The following ZNF620 variants were observed in gnomAD, a reference collection of about 807,000 sequenced individuals.
ZNF620 encodes the protein zinc finger protein 620.
ZNF620 carries 10 observed loss-of-function variants against 13.3 expected under a neutral mutation model. That is an observed-to-expected ratio of 0.75 (90% confidence interval 0.46 to 1.28). ZNF620 has a LOEUF of 1.28. ZNF620 is among the 50% of genes most tolerant of loss of function. The probability of loss-of-function intolerance (pLI) is 0.00; values close to 1 mark genes in which losing one functional copy is unlikely to be tolerated. For missense variants in ZNF620, 461 were observed against 500.2 expected, an observed-to-expected ratio of 0.92 and a Z score of 0.75; for synonymous variants, 166 against 177.6, an observed-to-expected ratio of 0.93 and a Z score of 0.52.
In ZNF620 at chr3:40,516,540, A is replaced by G. The variant is rs751070955; in HGVS notation, c.946A>G (p.Thr316Ala). 1.5e-5 allele frequency: 24 copies of G among 1,613,914 alleles called. No individual in the cohort carries two copies. Among genetic ancestry groups the G allele is most frequent in the Non-Finnish European group, 2.0e-5 (24 of 1,179,972 alleles). ...KLYECNECWK[T>A]FSCSSSFTVH... ...CTATGAATGTAACGAATGTTGGAAA[A>G]CTTTCAGTTGCAGCTCAAGTTTCAC... The change falls in exon 5 of 5, where the codon ACT (threonine) becomes GCT (alanine). Residue 316 changes from threonine to alanine, a missense_variant. Thr to Ala is a moderately conservative substitution (Grantham distance 58). Transcript: ENST00000314529.
intron 2 of ZNF620, among the ~76,000 whole-genome samples, chr3:40,506,762 G>A (rs1281377259): frequency 2.0e-5 from 3 of 152,106 alleles, no homozygotes; most frequent in Non-Finnish European, 2.9e-5. Flanking sequence ...AGTAAAGATA[G>A]TTTTACTCCT....
intron 2 of ZNF620, among the ~76,000 whole-genome samples, chr3:40,509,364 G>C (rs1364970398): frequency 6.6e-6 from 1 of 151,908 alleles, no homozygotes; most frequent in Non-Finnish European, 1.5e-5. Context: ...CCACGTAGCT[G>C]GGATTATAGG....
Position 40,516,528 on chromosome 3 carries a change from G to A in ZNF620, c.934G>A (p.Glu312Lys), listed in dbSNP as rs377575762. 76 of 1,614,036 alleles carry A rather than the reference G, an allele frequency of 4.7e-5. No individual in the cohort carries two copies. Among genetic ancestry groups the A allele is most frequent in the Non-Finnish European group, 5.9e-5 (70 of 1,180,020 alleles). The change falls in exon 5 of 5, where the codon GAA (glutamate) becomes AAA (lysine). Residue 312 changes from glutamate (E) to lysine (K), a missense_variant. Glu to Lys is a moderately conservative substitution (Grantham distance 56, BLOSUM62 1). Coordinates refer to ENST00000314529, the MANE Select transcript of ZNF620 (RefSeq NM_175888.4). ...HTGEKLYECN[E>K]CWKTFSCSSS... is the part of the protein sequence containing the mutation. ...TGGGGAGAAGCTCTATGAATGTAAC[G>A]AATGTTGGAAAACTTTCAGTTGCAG... is the stretch of plus-strand genomic sequence containing the variant.
At chr3:40,506,636 A>G (rs577664616) in intron 2 of ZNF620, among the ~76,000 whole-genome samples, 1 of 152,314 alleles carries the variant, frequency 6.6e-6, no homozygotes, top group Non-Finnish European at 1.5e-5. Context: ...ATTACATCCA[A>G]TAAAGACCCC....
rs1171832218 is a variant in ZNF620 at position 40,518,431 on chromosome 3, A to G, written c.*1568A>G. 1 of 152,214 alleles carries G rather than the reference A, an allele frequency of 6.6e-6. No homozygotes were observed. Among genetic ancestry groups the G allele is most frequent in the Non-Finnish European group, 1.5e-5 (1 of 68,052 alleles). The allele number at this position is 152,214 out of a possible 1,614,324, so 9.4% of individuals were successfully genotyped here. On this transcript the variant is annotated 3_prime_UTR_variant, in exon 5 of 5. Coordinates refer to ENST00000314529, the MANE Select transcript of ZNF620 (RefSeq NM_175888.4). ...TTTCAAACAGTGACTACATATAATA[A>G]AAGTATTACCTATTATTGGCCGGGC...
Position 40,516,558 on chromosome 3 carries a change from A to T in ZNF620, c.964A>T (p.Ser322Cys), listed in dbSNP as rs369701172. 1.2e-6 allele frequency: 2 copies of T among 1,614,024 alleles called. No individual in the cohort carries two copies. Residue 322 changes from serine to cysteine, a missense_variant, in exon 5 of 5, where the codon AGT (serine) becomes TGT (cysteine). By Grantham distance (112) the Ser-to-Cys change is moderately radical. Coordinates refer to ENST00000314529, the MANE Select transcript of ZNF620 (RefSeq NM_175888.4). ...TTGGAAAACTTTCAGTTGCAGCTCA[A>T]GTTTCACTGTCCATCAGCGAATGCA... ...ECWKTFSCSS[S>C]FTVHQRMHTG...
intron 4 of ZNF620, among the ~76,000 whole-genome samples, chr3:40,513,316 A>ATATATATAT (rs1553657106): frequency 9.6e-5 from 6 of 62,672 alleles, no homozygotes; most frequent in Non-Finnish European, 1.3e-4. Flanking sequence ...AAAAAAAAAA[A>ATATATATAT]ATATATATAT....
intron 4 of ZNF620, 107 bp downstream of exon 4, chr3:40,512,622 C>T (rs1045720651): frequency 7.5e-6 from 6 of 801,406 alleles, no homozygotes; most frequent in South Asian, 3.9e-5. Flanking sequence ...GTTTTTGTTC[C>T]TGTGGAATCA....
At chr3:40,508,899 T>C (rs1452209822) in intron 2 of ZNF620, 1 of 417,974 alleles carries the variant, frequency 2.4e-6, no homozygotes, top group Non-Finnish European at 4.8e-6. Context: ...ATTACAGGCA[T>C]GAGCCACCAT....
At chr3:40,512,281 T>C in intron 3 of ZNF620, 121 bp from the exon 4 acceptor site, 1 of 821,604 alleles carries the variant, frequency 1.2e-6, no homozygotes, top group South Asian at 1.5e-5. Context: ...ATAGATTAAG[T>C]TTCTCCCTGA....
In ZNF620 at chr3:40,517,245, T is replaced by A. The variant is rs1230700786; in HGVS notation, c.*382T>A. The A allele has an allele frequency of 1.3e-5, 2 of 157,344 alleles. No individual in the cohort carries two copies. Among genetic ancestry groups the A allele is most frequent in the Non-Finnish European group, 2.8e-5 (2 of 71,704 alleles). The allele number at this position is 157,344 out of a possible 1,614,324, so 9.7% of individuals were successfully genotyped here. ...GTTTCTAGAGAGAGAAAACAAAAGATCAGAAATGAAAGCGGGGCCAGGCGC... is the reference window on the plus strand; with the variant it reads ...GTTTCTAGAGAGAGAAAACAAAAGAACAGAAATGAAAGCGGGGCCAGGCGC... On this transcript the variant is annotated 3_prime_UTR_variant, in exon 5 of 5. Transcript: ENST00000314529.
rs574370640 is a variant in ZNF620 at position 40,506,721 on chromosome 3, T to A, written c.24+345T>A. Reference sequence around the variant, plus strand: ...CAATTCTAGTAACTGTTTTGTAGATTCCATTGTATTTTCTACATAGGTCAT... The same window carrying A: ...CAATTCTAGTAACTGTTTTGTAGATACCATTGTATTTTCTACATAGGTCAT... On this transcript the variant is annotated intron_variant, in intron 2 of 4. Coordinates refer to ENST00000314529, the MANE Select transcript of ZNF620 (RefSeq NM_175888.4). Among the ~76,000 whole-genome samples the A allele has an allele frequency of 5.9e-5, 9 of 152,368 alleles. No individual in the cohort carries two copies. In the East Asian group the frequency reaches 1.7e-3, roughly 29 times the overall value.
In ZNF620 at chr3:40,516,462, A is replaced by G. The variant is rs1201194371; in HGVS notation, c.868A>G (p.Ser290Gly). ...YECKECGKAF[S>G]SSSVFLQHQR... Reference sequence around the variant, plus strand: ...ATGTAAGGAGTGCGGCAAGGCCTTCAGTAGCAGCTCTGTCTTCCTCCAGCA... The same window carrying G: ...ATGTAAGGAGTGCGGCAAGGCCTTCGGTAGCAGCTCTGTCTTCCTCCAGCA... Residue 290 changes from serine (S) to glycine (G), a missense_variant, in exon 5 of 5, where the codon AGT becomes GGT. Coordinates refer to ENST00000314529, the MANE Select transcript of ZNF620 (RefSeq NM_175888.4). The G allele has an allele frequency of 6.2e-7, 1 of 1,614,086 alleles. No individual in the cohort carries two copies. Among genetic ancestry groups the G allele is most frequent in the Middle Eastern group, 1.7e-4 (1 of 6,060 alleles).
exon 5 of ZNF620, chr3:40,518,734 AAAAAAT>A (rs989922847): frequency 2.0e-5 from 3 of 152,034 alleles, no homozygotes; most frequent in African/African-American, 7.3e-5. Context: ...AAAAAAAAAA[AAAAAAT>A]TTTTACCTAT....
At chr3:40,515,597 C>T (rs567167809) in intron 4 of ZNF620, among the ~76,000 whole-genome samples, 154 of 152,146 alleles carry the variant, frequency 1.0e-3, no homozygotes, top group Non-Finnish European at 1.9e-3. Flanking sequence ...TTCTGGTTTT[C>T]ACACTGTTTA....
Position 40,516,823 on chromosome 3 carries a change from A to C in ZNF620, c.1229A>C (p.His410Pro). The C allele has an allele frequency of 1.9e-6, 3 of 1,613,146 alleles. No homozygotes were observed. Among genetic ancestry groups the C allele is most frequent in the Non-Finnish European group, 2.5e-6 (3 of 1,179,252 alleles). ...AGCTGGTGTGGAAGATTCATTCTGC[A>C]TCAGAAACTACACACTCAGAAGACA... is the stretch of plus-strand genomic sequence containing the variant. Reference protein sequence around the residue: ...TFSWCGRFILHQKLHTQKTPV... With the variant: ...TFSWCGRFILPQKLHTQKTPV... Residue 410 changes from histidine to proline, a missense_variant, in exon 5 of 5, where the codon CAT (histidine) becomes CCT (proline). By Grantham distance (77) the His-to-Pro change is moderately conservative (BLOSUM62 -2). Coordinates refer to ENST00000314529, the MANE Select transcript of ZNF620 (RefSeq NM_175888.4).
rs768023276 is a variant in ZNF620, at chr3:40,516,708, GCATT to G, written c.1117_1120del (p.Phe373IlefsTer4). On this transcript the variant is annotated frameshift_variant, in exon 5 of 5. Coordinates refer to ENST00000314529, the MANE Select transcript of ZNF620 (RefSeq NM_175888.4). LOFTEE classifies it low-confidence loss of function (END_TRUNC). Reference sequence around the variant, plus strand: ...CTTTGAATGTAAGGAGTGTGGGAAGGCATTCAATCAGAAAATAACCCTGATTCAG... The same window carrying G: ...CTTTGAATGTAAGGAGTGTGGGAAGGCAATCAGAAAATAACCCTGATTCAG... 50 of 1,614,086 alleles carry G rather than the reference GCATT, an allele frequency of 3.1e-5. No homozygotes were observed. The highest frequency in any genetic ancestry group is 4.2e-5 in the Non-Finnish European group (50 of 1,180,040).
intron 4 of ZNF620, among the ~76,000 whole-genome samples, chr3:40,513,510 G>A (rs1171703728): frequency 2.0e-5 from 3 of 150,768 alleles, no homozygotes; most frequent in East Asian, 1.9e-4. Flanking sequence ...GTGGTAGCAC[G>A]TGCCTGTAAT....
intron 2 of ZNF620, among the ~76,000 whole-genome samples, chr3:40,508,011 C>G (rs1698082984): frequency 6.6e-6 from 1 of 152,138 alleles, no homozygotes; most frequent in South Asian, 2.1e-4. Flanking sequence ...TAAAGTTGTT[C>G]ATAATATGTG....
Sources: gnomAD v4.1 joint callset for allele counts (sites outside exome capture counted in the v4.1 genomes callset) on GRCh38, gnomAD v4.1.1 for gene constraint, MANE v1.5 for transcripts, NCBI Gene and HGNC (gene_info 2026-07-23, HGNC 2026-07-21) for gene names.